Variants in IL19 observed in about 807,000 individuals in gnomAD.
IL19 encodes the protein interleukin 19.
In IL19, 15 loss-of-function variants were observed where a neutral mutation model predicts 19.5. The ratio of observed to expected loss-of-function variants is 0.77; its 90% CI spans 0.52 to 1.19. The LOEUF (loss-of-function observed/expected upper bound fraction) is 1.19, where lower values mean the gene tolerates loss of function less well. IL19 is among the 50% of genes most tolerant of loss of function. The pLI, the probability that IL19 is intolerant of heterozygous loss-of-function variation, is 0.00. For synonymous variants in IL19, 78 were observed against 78.3 expected (o/e 1.00, Z 0.02); for missense variants, 199 against 213.1 (o/e 0.93, Z 0.41).
At chr1:206,789,809 C>CA (rs1307994344) in intron 1 of IL19, among the ~76,000 whole-genome samples, 16 of 152,306 alleles carry the variant, frequency 1.1e-4, no homozygotes, top group Non-Finnish European at 2.2e-4. Context: ...CTCCGACTTA[C>CA]AAGTGAGAAC....
Position 206,842,685 on chromosome 1 carries a change from C to T in IL19, c.*63C>T. ...CCCCTGTGCGGTTTACTGTGGGAGA[C>T]AGCCCACCTTGAAGGGGAAGGAGAT... On this transcript the variant is annotated 3_prime_UTR_variant, in exon 7 of 7. Coordinates refer to ENST00000659997, the MANE Select transcript of IL19 (RefSeq NM_153758.5). The T allele has an allele frequency of 1.0e-6, 1 of 989,048 alleles. No individual in the cohort carries two copies. Among genetic ancestry groups the T allele is most frequent in the East Asian group, 2.6e-5 (1 of 37,938 alleles). The allele number at this position is 989,048 out of a possible 1,614,324, so 61.3% of individuals were successfully genotyped here.
chr1:206,822,365 T>TA (rs1344692684), intron 2 of IL19, among the ~76,000 whole-genome samples: 2 of 152,114 alleles, frequency 1.3e-5, no homozygotes, highest in Non-Finnish European at 2.9e-5. Context: ...TGGTGGGTGA[T>TA]ATGGAGGAAA....
At chr1:206,818,561 G>T (rs921079698) in intron 2 of IL19, among the ~76,000 whole-genome samples, 1 of 152,198 alleles carries the variant, frequency 6.6e-6, no homozygotes, top group Admixed American at 6.5e-5. Context: ...GGGTGAGAGG[G>T]TAGGAGAAAA....
intron 1 of IL19, among the ~76,000 whole-genome samples, chr1:206,788,203 C>T (rs1188149516): frequency 6.6e-6 from 1 of 152,122 alleles, no homozygotes; most frequent in Non-Finnish European, 1.5e-5. Flanking sequence ...CTAACTGATG[C>T]CAGCTATCTG....
intron 2 of IL19, among the ~76,000 whole-genome samples, chr1:206,825,991 T>C (rs1676426323): frequency 6.6e-6 from 1 of 152,228 alleles, no homozygotes; most frequent in Admixed American, 6.5e-5. Context: ...TGGGGCCATC[T>C]GGCCACTAAC....
At chr1:206,795,927 A>ATATGTGTGTG (rs1553439245) in intron 1 of IL19, among the ~76,000 whole-genome samples, 8,096 of 133,402 alleles carry the variant, frequency 0.061, 330 homozygotes, top group Non-Finnish European at 0.088. Context: ...AAATATATAT[A>ATATGTGTGTG]TGTGTGTGTG....
chr1:206,781,642 T>A (rs1217162194), intron 1 of IL19, among the ~76,000 whole-genome samples: 1 of 150,876 alleles, frequency 6.6e-6, no homozygotes, highest in Non-Finnish European at 1.5e-5. Context: ...GGATTCATGC[T>A]ACTTCCACTA....
chr1:206,810,485 G>A (rs1289580925), intron 2 of IL19, among the ~76,000 whole-genome samples: 1 of 152,174 alleles, frequency 6.6e-6, no homozygotes, highest in Non-Finnish European at 1.5e-5. Context: ...ATGCCTAGAG[G>A]ACAATCCTTT....
At chr1:206,772,514 C>T in intron 1 of IL19, 1 of 1,335,970 alleles carries the variant, frequency 7.5e-7, no homozygotes, top group Non-Finnish European at 1.1e-6. Flanking sequence ...CCTCTCTGTC[C>T]CCCTTTTATA....
chr1:206,833,926 A>G (rs1676695906), intron 2 of IL19: 1 of 985,458 alleles, frequency 1.0e-6, no homozygotes, highest in Non-Finnish European at 1.2e-6. Flanking sequence ...GGAGAACTGG[A>G]TCGTGCTGCA....
chr1:206,785,237 C>A (rs1181883323), intron 1 of IL19, among the ~76,000 whole-genome samples: 4 of 152,180 alleles, frequency 2.6e-5, no homozygotes, highest in African/African-American at 9.7e-5. Flanking sequence ...TTCAGGTAGA[C>A]TGAAGACCCA....
intron 1 of IL19, among the ~76,000 whole-genome samples, chr1:206,796,334 C>T (rs1393010853): frequency 6.6e-6 from 1 of 152,152 alleles, no homozygotes; most frequent in Non-Finnish European, 1.5e-5. Context: ...ACAGGCACAC[C>T]CAGAAATCAT....
intron 1 of IL19, among the ~76,000 whole-genome samples, chr1:206,785,796 C>G (rs990333205): frequency 1.3e-5 from 2 of 152,156 alleles, no homozygotes; most frequent in Admixed American, 1.3e-4. Context: ...TAAGTTTGGT[C>G]CTATTTATAG....
intron 2 of IL19, among the ~76,000 whole-genome samples, chr1:206,831,474 T>C (rs1676608354): frequency 6.6e-6 from 1 of 152,228 alleles, no homozygotes. Context: ...ATCTATATTC[T>C]TATTTTTGAT....
chr1:206,834,011 G>A (rs1283133194), intron 2 of IL19: 4 of 985,340 alleles, frequency 4.1e-6, no homozygotes, highest in Non-Finnish European at 3.6e-6. Flanking sequence ...TTGTGAGTTG[G>A]CCTGCAGGGT....
chr1:206,794,420 A>G (rs1381240602), intron 1 of IL19, among the ~76,000 whole-genome samples: 3 of 151,952 alleles, frequency 2.0e-5, no homozygotes, highest in Admixed American at 2.0e-4. Context: ...CCTCCCACAC[A>G]TTCACTGATT....
At chr1:206,775,299 G>T (rs548715872) in intron 1 of IL19, among the ~76,000 whole-genome samples, 1 of 151,990 alleles carries the variant, frequency 6.6e-6, no homozygotes, top group African/African-American at 2.4e-5. Context: ...TGATCCGCCC[G>T]CCTTGGCCTC....
At chr1:206,774,900 C>A (rs773473856) in intron 1 of IL19, among the ~76,000 whole-genome samples, 8 of 151,950 alleles carry the variant, frequency 5.3e-5, no homozygotes, top group Admixed American at 2.0e-4. Context: ...AGGCAGCCTC[C>A]CTTCAATTTC....
chr1:206,772,468 T>C (rs1244150736), intron 1 of IL19: 1 of 1,611,858 alleles, frequency 6.2e-7, no homozygotes, highest in Admixed American at 1.7e-5. Context: ...TGTGGTTTGG[T>C]TTTGCAAGAG....
Sources: allele counts gnomAD v4.1 joint callset (sites outside exome capture counted in the v4.1 genomes callset), GRCh38; gene constraint gnomAD v4.1.1; transcripts MANE v1.5; gene names NCBI Gene and HGNC (gene_info 2026-07-23, HGNC 2026-07-21).